The following WDPCP variants were observed in gnomAD, a reference collection of about 807,000 sequenced individuals.
WDPCP encodes WD repeat containing planar cell polarity effector, also known as WD repeat-containing and planar cell polarity effector protein fritz homolog.
In WDPCP, 71 loss-of-function variants were observed where a neutral mutation model predicts 93.1. That is an observed-to-expected ratio of 0.76 (90% CI 0.63 to 0.93). The LOEUF is 0.93. Ranked by LOEUF, WDPCP falls within the 40% of genes least tolerant of loss-of-function variation. WDPCP has a pLI of 0.00. For missense variants in WDPCP, 844 were observed against 887.4 expected (o/e 0.95, Z 0.62); for synonymous variants, 315 against 315.0 (o/e 1.00, Z 0.00).
chr2:63,581,175 A>G (rs984261640), intron 1 of WDPCP, among the ~76,000 whole-genome samples: 56 of 152,250 alleles, frequency 3.7e-4, no homozygotes, highest in African/African-American at 1.3e-3. Context: ...GCTTAGTTCC[A>G]TAAGACATAT....
At chr2:63,589,260 G>C (rs552452311), upstream of WDPCP, 1 of 1,551,870 alleles carries the variant, frequency 6.4e-7, no homozygotes, top group East Asian at 2.4e-5. Context: ...GCTCTTAGGA[G>C]GACTCTGGAG....
rs140459148 is a variant in WDPCP at position 63,388,403 on chromosome 2, T to A, written c.1436-6309A>T. 9.2e-5 allele frequency among the ~76,000 whole-genome samples: 14 copies of A among 152,132 alleles called. 1 individual carries two copies. The South Asian group carries it at 1.5e-3, about 16-fold the overall frequency. Reference sequence around the variant, plus strand: ...AAACCCCATCTGTAGGTCACCAACATCAAAGACCAAAGGTAGATAAAACCA... The same window carrying A: ...AAACCCCATCTGTAGGTCACCAACAACAAAGACCAAAGGTAGATAAAACCA... On this transcript the variant is annotated intron_variant, in intron 10 of 17. Coordinates refer to ENST00000272321, the MANE Select transcript of WDPCP (RefSeq NM_015910.7).
chr2:63,658,450 T>C (rs999542313), intron 2 of WDPCP, among the ~76,000 whole-genome samples: 23 of 152,288 alleles, frequency 1.5e-4, no homozygotes, highest in Non-Finnish European at 2.9e-4. Flanking sequence ...GTACCAACTA[T>C]GCAGAAAGAT....
At chr2:63,563,739 G>A (rs13424973) in intron 1 of WDPCP, among the ~76,000 whole-genome samples, 8,132 of 152,104 alleles carry the variant, frequency 0.053, 625 homozygotes, top group African/African-American at 0.17. Flanking sequence ...CCTTAAAAAA[G>A]AGAAAGAAAA....
chr2:63,681,215 G>T (rs571579959), intron 2 of WDPCP, among the ~76,000 whole-genome samples: 1 of 152,166 alleles, frequency 6.6e-6, no homozygotes, highest in African/African-American at 2.4e-5. Context: ...CAGCCACAGG[G>T]ACGTACAGCA....
intron 6 of WDPCP, among the ~76,000 whole-genome samples, chr2:63,453,765 T>TA (rs1389713934): frequency 6.6e-6 from 1 of 151,736 alleles, no homozygotes; most frequent in Non-Finnish European, 1.5e-5. Flanking sequence ...TATGCAGCCA[T>TA]AAAAAAGGAT....
chr2:63,505,164 T>C (rs1032916324), intron 1 of WDPCP, among the ~76,000 whole-genome samples: 6 of 152,090 alleles, frequency 3.9e-5, no homozygotes, highest in Non-Finnish European at 8.8e-5. Context: ...TTCTTTAATA[T>C]TGTAATTGGA....
At chr2:63,678,543 G>T (rs921295403) in intron 2 of WDPCP, among the ~76,000 whole-genome samples, 1 of 152,190 alleles carries the variant, frequency 6.6e-6, no homozygotes, top group Non-Finnish European at 1.5e-5. Context: ...AGGTCAACTA[G>T]CTCACTAAAC....
intron 14 of WDPCP, chr2:63,232,497 CT>C (rs1270142461): frequency 6.6e-6 from 1 of 152,326 alleles, no homozygotes; most frequent in African/African-American, 2.4e-5. Flanking sequence ...ATCAGTTTTG[CT>C]TTAGTTCACT....
intron 13 of WDPCP, among the ~76,000 whole-genome samples, chr2:63,272,449 G>A (rs1202114865): frequency 6.6e-6 from 1 of 152,118 alleles, no homozygotes; most frequent in African/African-American, 2.4e-5. Flanking sequence ...AAAAGGCAAG[G>A]AAACCTGACA....
intron 2 of WDPCP, among the ~76,000 whole-genome samples, chr2:63,689,134 C>T (rs1439759317): frequency 6.6e-6 from 1 of 152,162 alleles, no homozygotes; most frequent in Non-Finnish European, 1.5e-5. Context: ...TAAGACATCC[C>T]TCTTGCAGGG....
At chr2:63,485,096 G>A (rs1473464948) in intron 4 of WDPCP, 109 bp from the exon 5 acceptor site, 1 of 1,126,716 alleles carries the variant, frequency 8.9e-7, no homozygotes, top group East Asian at 2.4e-5. Context: ...ATAATCGAGA[G>A]GAAGTGGGCT....
intron 13 of WDPCP, among the ~76,000 whole-genome samples, chr2:63,279,160 A>C (rs776320781): frequency 2.0e-5 from 3 of 152,156 alleles, no homozygotes; most frequent in African/African-American, 4.8e-5. Context: ...TAATACCAAA[A>C]CCAGGGAAGG....
intron 1 of WDPCP, among the ~76,000 whole-genome samples, chr2:63,548,894 T>C (rs925750683): frequency 1.3e-5 from 2 of 152,094 alleles, no homozygotes; most frequent in African/African-American, 4.8e-5. Flanking sequence ...TAAACAACCA[T>C]GGGTGAAAGA....
At chr2:63,490,176 A>G (rs995136259) in intron 2 of WDPCP, among the ~76,000 whole-genome samples, 1 of 152,094 alleles carries the variant, frequency 6.6e-6, no homozygotes, top group African/African-American at 2.4e-5. Flanking sequence ...TAACAATGCA[A>G]TATGTTACTG....
intron 14 of WDPCP, among the ~76,000 whole-genome samples, chr2:63,191,130 C>T (rs147284607): frequency 1.7e-3 from 256 of 152,278 alleles, no homozygotes; most frequent in African/African-American, 5.6e-3. Flanking sequence ...TGGTGGCTCA[C>T]GCCTGTAATC....
At chr2:63,806,658 C>A (rs573332119) in intron 2 of WDPCP, among the ~76,000 whole-genome samples, 1 of 152,096 alleles carries the variant, frequency 6.6e-6, no homozygotes, top group Non-Finnish European at 1.5e-5. Context: ...AAAATGACCA[C>A]GCCCCGGGGA....
At chr2:63,792,352 A>G (rs1457448020) in intron 2 of WDPCP, among the ~76,000 whole-genome samples, 1 of 152,054 alleles carries the variant, frequency 6.6e-6, no homozygotes. Context: ...ATCAGATCTC[A>G]TGAGAACTCA....
At chr2:63,229,083 C>T (rs1336153034) in intron 14 of WDPCP, 4 of 152,188 alleles carry the variant, frequency 2.6e-5, no homozygotes, top group Admixed American at 6.6e-5. Flanking sequence ...TCCACATCCT[C>T]TCCAGCACAT....
Sources: allele counts gnomAD v4.1 joint callset (sites outside exome capture counted in the v4.1 genomes callset), GRCh38; gene constraint gnomAD v4.1.1; transcripts MANE v1.5; gene names NCBI Gene and HGNC (gene_info 2026-07-23, HGNC 2026-07-21).